Variants in SPTB observed in about 807,000 individuals in gnomAD.
The protein encoded by SPTB is spectrin beta, erythrocytic, also known as spectrin beta chain, erythrocytic.
In SPTB, 45 loss-of-function variants were observed where a neutral mutation model predicts 256.2. The ratio of observed to expected loss-of-function variants is 0.18; its 90% CI spans 0.14 to 0.23. The LOEUF (loss-of-function observed/expected upper bound fraction) is 0.23. SPTB is among the 10% of genes least tolerant of loss of function. SPTB has a pLI of 1.00. For synonymous variants in SPTB, 1,231 were observed against 1,243.1 expected, an observed-to-expected ratio of 0.99 and a Z score of 0.21; for missense variants, 2,715 against 3,040.4, an observed-to-expected ratio of 0.89 and a Z score of 2.52.
chr14:64,763,904 C>T lies in SPTB; in HGVS notation c.6345+2822G>A, dbSNP rs530889193. On this transcript the variant is annotated intron_variant, in intron 32 of 35. Coordinates refer to ENST00000644917, the MANE Select transcript of SPTB (RefSeq NM_001355436.2). Reference sequence around the variant, plus strand: ...GCTTCAGTCACCACGTGCACACACACGTGGGGAAGGGGAGGACTGGGGTGG... The same window carrying T: ...GCTTCAGTCACCACGTGCACACACATGTGGGGAAGGGGAGGACTGGGGTGG... 1,402 of 518,174 alleles carry T rather than the reference C, an allele frequency of 2.7e-3. 26 individuals carry two copies. Among genetic ancestry groups the T allele is most frequent in the South Asian group, 0.019 (1,363 of 71,564 alleles). The allele number at this position is 518,174 out of a possible 1,614,324, so 32.1% of individuals were successfully genotyped here. A position where few individuals can be genotyped will look rare whatever the true frequency, so the allele number is the denominator to read the frequency against.
chr14:64,864,963 G>C (rs1345270064), intron 1 of SPTB, among the ~76,000 whole-genome samples: 2 of 152,036 alleles, frequency 1.3e-5, no homozygotes, highest in Non-Finnish European at 2.9e-5. Context: ...CTCCTTTATT[G>C]GTAAAATAAG....
At position 64,802,350 on chromosome 14, in the gene SPTB, G is replaced by A; in HGVS notation, c.475-33C>T. ...TAGCAGAACAAGAGAGATTTGAAGAGGATGTGCATCTGGATCTGTGCTTTC... is the reference window on the plus strand; with the variant it reads ...TAGCAGAACAAGAGAGATTTGAAGAAGATGTGCATCTGGATCTGTGCTTTC... On this transcript the variant is annotated intron_variant, in intron 4 of 35. Transcript: ENST00000644917. The surrounding 1 kb of genome is among the most constrained non-coding windows in gnomAD (Gnocchi z 5.1). 1.2e-6 allele frequency: 2 copies of A among 1,605,368 alleles called. No individual in the cohort carries two copies. Among genetic ancestry groups the A allele is most frequent in the South Asian group, 1.1e-5 (1 of 90,494 alleles).
At chr14:64,860,881 G>A (rs865858718) in intron 1 of SPTB, among the ~76,000 whole-genome samples, 1 of 152,098 alleles carries the variant, frequency 6.6e-6, no homozygotes, top group Non-Finnish European at 1.5e-5. Context: ...TATACCTATA[G>A]GAATATAAAT....
rs986416222 is a variant in SPTB, at chr14:64,825,508, C to T, written c.-51-2363G>A. Among the ~76,000 whole-genome samples the T allele has an allele frequency of 4.6e-5, 7 of 151,842 alleles. No individual in the cohort carries two copies. Among genetic ancestry groups the T allele is most frequent in the African/African-American group, 1.5e-4 (6 of 41,332 alleles). On this transcript the variant is annotated intron_variant, in intron 1 of 35. Coordinates refer to ENST00000644917, the MANE Select transcript of SPTB (RefSeq NM_001355436.2). The surrounding 1 kb of genome is among the most constrained non-coding windows in gnomAD (Gnocchi z 4.8). ...TAAGGGAAACTACCACTGACTTGGT[C>T]TCTGAGCCAGAGAGGGACTGACAGG...
Position 64,816,006 on chromosome 14 carries a change from C to T in SPTB, c.148+6941G>A, listed in dbSNP as rs769324825. 1.3e-5 allele frequency among the ~76,000 whole-genome samples: 2 copies of T among 152,194 alleles called. No individual in the cohort carries two copies. The highest frequency in any genetic ancestry group is 2.1e-4 in the South Asian group (1 of 4,836). The stretch of plus-strand genomic sequence containing the variant: ...ATGGGTAACAAGCTAGCTCAAACAG[C>T]GTCTTCTCTTTACCGGACTTCTGCA... On this transcript the variant is annotated intron_variant, in intron 2 of 35. Transcript: ENST00000644917. The surrounding 1 kb of genome is among the most constrained non-coding windows in gnomAD (Gnocchi z 4.2).
chr14:64,823,181 C>T lies in SPTB; in HGVS notation c.-51-36G>A, dbSNP rs904168105. ...GCAACACAGTCAGAGGGTTATCTCT[C>T]TACCCCCTCGGACTTTTTCTCCGGG... On this transcript the variant is annotated intron_variant, in intron 1 of 35. Coordinates refer to ENST00000644917, the MANE Select transcript of SPTB (RefSeq NM_001355436.2). This position sits in a 1 kb window ranked among gnomAD's most constrained non-coding sequence, Gnocchi z 6.5. 4 of 1,540,130 alleles carry T rather than the reference C, an allele frequency of 2.6e-6. No homozygotes were observed. Among genetic ancestry groups the T allele is most frequent in the Admixed American group, 1.7e-5 (1 of 59,686 alleles).
chr14:64,800,614 T>C, intron 8 of SPTB, 142 bp downstream of exon 8: 1 of 757,796 alleles, frequency 1.3e-6, no homozygotes, highest in Non-Finnish European at 2.3e-6. Context: ...GAGCCATCAA[T>C]GTTGCCAAGG....
chr14:64,781,095 A>G (rs986256046), intron 20 of SPTB, among the ~76,000 whole-genome samples: 1 of 152,256 alleles, frequency 6.6e-6, no homozygotes, highest in African/African-American at 2.4e-5. Flanking sequence ...ACAGACTTCA[A>G]TGTAAAACCC....
intron 1 of SPTB, among the ~76,000 whole-genome samples, chr14:64,877,568 T>G (rs1882884555): frequency 6.6e-6 from 1 of 152,204 alleles, no homozygotes; most frequent in African/African-American, 2.4e-5. Context: ...ACCATGACAA[T>G]TAAATTGGAT....
intron 5 of SPTB, 37 bp from the exon 6 acceptor site, chr14:64,801,871 A>G: frequency 1.3e-6 from 2 of 1,589,976 alleles, no homozygotes; most frequent in Non-Finnish European, 1.7e-6. Context: ...TAAGAATTAG[A>G]TTTTTTGTAG....
Position 64,879,881 on chromosome 14 carries a change from C to A in SPTB, c.-141G>T, listed in dbSNP as rs192485624. The A allele has an allele frequency of 4.2e-3, 651 of 153,278 alleles. 3 individuals are homozygous for A. The highest frequency in any genetic ancestry group is 6.7e-3 in the Non-Finnish European group (463 of 68,642). 9.5% of individuals were successfully genotyped at this position (153,278 alleles called of 1,614,324 possible). A position where few individuals can be genotyped will look rare whatever the true frequency, so the allele number is the denominator to read the frequency against. The stretch of plus-strand genomic sequence containing the variant: ...GAGGAGGGCAGCGCGGGGCTCCTGG[C>A]ACAGCGGCCGCCGGGCGCCTGGTGC... On this transcript the variant is annotated 5_prime_UTR_variant, in exon 1 of 36. Coordinates refer to ENST00000644917, the MANE Select transcript of SPTB (RefSeq NM_001355436.2).
At chr14:64,766,580 G>A in intron 32 of SPTB, 146 bp downstream of exon 32, 1 of 1,597,236 alleles carries the variant, frequency 6.3e-7, no homozygotes, top group Admixed American at 1.7e-5. Context: ...CTGCTCTGCT[G>A]GGAGGTGGCT....
At chr14:64,808,011 C>T (rs2083017446) in intron 2 of SPTB, among the ~76,000 whole-genome samples, 1 of 152,198 alleles carries the variant, frequency 6.6e-6, no homozygotes, top group Admixed American at 6.5e-5. Context: ...CATCTCATTC[C>T]TCTCTGTTCC....
Position 64,759,557 on chromosome 14 carries a change from A to G in SPTB, c.6346-5764T>C, listed in dbSNP as rs2082064288. ...GGTGGGGACTGCCTTACCCGACAGG[A>G]GGCGAGATCTATGGACAGAGAGCAC... On this transcript the variant is annotated intron_variant, in intron 32 of 35. Coordinates refer to ENST00000644917, the MANE Select transcript of SPTB (RefSeq NM_001355436.2). This position sits in a 1 kb window ranked among gnomAD's most constrained non-coding sequence, Gnocchi z 4.8. Among the ~76,000 whole-genome samples, 1 of 152,200 alleles carries G rather than the reference A, an allele frequency of 6.6e-6. No homozygotes were observed. Among genetic ancestry groups the G allele is most frequent in the Non-Finnish European group, 1.5e-5 (1 of 68,030 alleles).
Position 64,872,521 on chromosome 14 carries a change from A to T in SPTB, c.-52+7271T>A, listed in dbSNP as rs1882590602. Reference sequence around the variant, plus strand: ...CCTATGACACTTGGACTAAAACTCAAAGGTCACAAAGCCTGCACCATCAAG... The same window carrying T: ...CCTATGACACTTGGACTAAAACTCATAGGTCACAAAGCCTGCACCATCAAG... On this transcript the variant is annotated intron_variant, in intron 1 of 35. Transcript: ENST00000644917. Among the ~76,000 whole-genome samples, 8 of 152,208 alleles carry T rather than the reference A, an allele frequency of 5.3e-5. No homozygotes were observed. The South Asian group carries it at 1.7e-3, about 32-fold the overall frequency.
intron 33 of SPTB, among the ~76,000 whole-genome samples, chr14:64,752,487 A>G (rs1328314467): frequency 2.6e-5 from 4 of 152,174 alleles, no homozygotes; most frequent in East Asian, 3.9e-4. Context: ...AGTTACTAAG[A>G]AGGAGCTGGG....
rs1434837735 is a variant in SPTB at position 64,775,162 on chromosome 14, T to C, written c.4805A>G (p.Glu1602Gly). 6.2e-7 allele frequency: 1 copy of C among 1,613,964 alleles called. No individual in the cohort carries two copies. Among genetic ancestry groups the C allele is most frequent in the South Asian group, 1.1e-5 (1 of 91,084 alleles). Reference sequence around the variant, plus strand: ...ATCGGAGATGACGTAGAGCTCCTGCTCGCCAATCCAGGCCTCAGCCTCGTC... The same window carrying C: ...ATCGGAGATGACGTAGAGCTCCTGCCCGCCAATCCAGGCCTCAGCCTCGTC... Reference protein sequence around the residue: ...DADEAEAWIGEQELYVISDEI... With the variant: ...DADEAEAWIGGQELYVISDEI... The change falls in exon 23 of 36, where the codon GAG becomes GGG. Residue 1602 changes from glutamate (E) to glycine (G), a missense_variant. Glu to Gly is a moderately conservative substitution (Grantham distance 98, BLOSUM62 -2). Transcript: ENST00000644917. This position sits in a 1 kb window ranked among gnomAD's most constrained non-coding sequence, Gnocchi z 5.0.
chr14:64,814,453 A>G (rs1305581427), intron 2 of SPTB, among the ~76,000 whole-genome samples: 3 of 152,172 alleles, frequency 2.0e-5, no homozygotes, highest in Admixed American at 6.5e-5. Flanking sequence ...TATTTTCTAT[A>G]TTAAATATAT....
At chr14:64,765,008 C>T (rs2082144493) in intron 32 of SPTB, among the ~76,000 whole-genome samples, 1 of 126,850 alleles carries the variant, frequency 7.9e-6, no homozygotes, top group Non-Finnish European at 1.7e-5. Flanking sequence ...AGGCTGGAGG[C>T]CACAGAGGAG....
Sources: gnomAD v4.1 joint callset for allele counts (sites outside exome capture counted in the v4.1 genomes callset) on GRCh38, gnomAD v4.1.1 for gene constraint, Gnocchi (gnomAD v3.1) non-coding constraint, MANE v1.5 for transcripts, NCBI Gene and HGNC (gene_info 2026-07-23, HGNC 2026-07-21) for gene names.